ARHGEF28: variants seen among roughly 807,000 people sequenced by gnomAD.
ARHGEF28 encodes 190 kDa guanine nucleotide exchange factor.
A neutral mutation model predicts 206.6 loss-of-function variants in ARHGEF28; 152 were observed. That is an observed-to-expected ratio of 0.74 (90% CI 0.64 to 0.84). The LOEUF (loss-of-function observed/expected upper bound fraction) is 0.84, where lower values mean the gene tolerates loss of function less well. ARHGEF28 is among the 40% of genes least tolerant of loss of function. The pLI, the probability that ARHGEF28 is intolerant of heterozygous loss-of-function variation, is 0.00. For missense variants in ARHGEF28, 2,028 were observed against 2,073.2 expected, an observed-to-expected ratio of 0.98 and a Z score of 0.42; for synonymous variants, 763 against 776.4, an observed-to-expected ratio of 0.98 and a Z score of 0.29.
intron 9 of ARHGEF28, chr5:73,828,198 C>T (rs1023535108): frequency 2.0e-5 from 3 of 152,160 alleles, no homozygotes; most frequent in Non-Finnish European, 4.4e-5. Context: ...TTTCCTTTCA[C>T]GATCAGTCTT....
intron 4 of ARHGEF28, among the ~76,000 whole-genome samples, chr5:73,760,354 T>C (rs1475294814): frequency 6.6e-6 from 1 of 152,118 alleles, no homozygotes; most frequent in Non-Finnish European, 1.5e-5. Flanking sequence ...TAACAACTGA[T>C]TCAGGGGTTT....
chr5:73,626,577 G>A (rs1743024378), intron 1 of ARHGEF28, among the ~76,000 whole-genome samples: 1 of 152,136 alleles, frequency 6.6e-6, no homozygotes, highest in Non-Finnish European at 1.5e-5. Flanking sequence ...CGGAGCGCGG[G>A]GTCGCTCGGG....
At chr5:73,918,022 C>A (rs1211816204) in intron 35 of ARHGEF28, among the ~76,000 whole-genome samples, 2 of 152,186 alleles carry the variant, frequency 1.3e-5, no homozygotes, top group African/African-American at 4.8e-5. Flanking sequence ...GGAAGCATCA[C>A]TCTCTCCATG....
At chr5:73,758,998 T>G (rs985876165) in intron 4 of ARHGEF28, among the ~76,000 whole-genome samples, 12 of 152,340 alleles carry the variant, frequency 7.9e-5, no homozygotes, top group Non-Finnish European at 1.8e-4. Context: ...GTAACCCAAT[T>G]GAACTTTTGG....
At chr5:73,865,915 T>C in intron 17 of ARHGEF28, 50 bp from the exon 18 acceptor site, 1 of 1,299,708 alleles carries the variant, frequency 7.7e-7, no homozygotes. Context: ...ATTCTTATAG[T>C]CTAATGATAC....
chr5:73,713,166 G>T (rs1029427906), intron 2 of ARHGEF28, among the ~76,000 whole-genome samples: 1 of 152,146 alleles, frequency 6.6e-6, no homozygotes, highest in African/African-American at 2.4e-5. Flanking sequence ...CCCACAAAGG[G>T]TTTAAGTCAG....
At chr5:73,928,833 A>G (rs1763958517) in intron 35 of ARHGEF28, among the ~76,000 whole-genome samples, 2 of 152,228 alleles carry the variant, frequency 1.3e-5, no homozygotes, top group Non-Finnish European at 1.5e-5. Flanking sequence ...TAGAGCCTTA[A>G]GAGGAATTCA....
chr5:73,794,310 TG>T, intron 7 of ARHGEF28, 91 bp from the exon 8 acceptor site: 1 of 1,051,598 alleles, frequency 9.5e-7, no homozygotes. Context: ...AGAAGGCTCC[TG>T]GGCAACTCAT....
chr5:73,848,950 A>ATAT, intron 12 of ARHGEF28, 26 bp from the exon 13 acceptor site: 1 of 1,467,038 alleles, frequency 6.8e-7, no homozygotes, highest in Non-Finnish European at 9.3e-7. Context: ...ATAAATTTTT[A>ATAT]AACACTTTAT....
chr5:73,743,020 G>A (rs1465789732), intron 2 of ARHGEF28, among the ~76,000 whole-genome samples: 1 of 151,644 alleles, frequency 6.6e-6, no homozygotes, highest in Non-Finnish European at 1.5e-5. Context: ...TTATAATTTT[G>A]TAAAATTGTT....
intron 1 of ARHGEF28, among the ~76,000 whole-genome samples, chr5:73,631,042 T>G (rs1053288688): frequency 1.3e-5 from 2 of 152,154 alleles, no homozygotes; most frequent in African/African-American, 4.8e-5. Flanking sequence ...AAGTCCAGAT[T>G]CCTTGTGTGG....
chr5:73,916,303 A>G (rs1763208844), intron 35 of ARHGEF28, among the ~76,000 whole-genome samples: 1 of 152,188 alleles, frequency 6.6e-6, no homozygotes, highest in African/African-American at 2.4e-5. Context: ...TTTTCCTGGA[A>G]ATTGAAACTG....
intron 33 of ARHGEF28, among the ~76,000 whole-genome samples, chr5:73,908,177 G>C (rs140370142): frequency 6.6e-6 from 1 of 152,078 alleles, no homozygotes; most frequent in Admixed American, 6.5e-5. Context: ...TTAAAGATTA[G>C]TTTCCAAATT....
rs61731627 is a variant in ARHGEF28 at position 73,909,703 on chromosome 5, C to A, written c.4453C>A (p.Leu1485Met). The stretch of plus-strand genomic sequence containing the variant: ...GCGGGAGTGCCAGTCGCAGGAGGAG[C>A]TGCTGCTGCGGAGCCGGGGCGAGCT... Reference protein sequence around the residue: ...RERECQSQEELLLRSRGELDL... With the variant: ...RERECQSQEEMLLRSRGELDL... Residue 1485 changes from leucine to methionine, a missense_variant, in exon 34 of 36, where the codon CTG becomes ATG. By Grantham distance (15) the Leu-to-Met change is conservative. Coordinates refer to ENST00000513042, the MANE Select transcript of ARHGEF28 (RefSeq NM_001177693.2). The A allele has an allele frequency of 2.6e-6, 4 of 1,531,046 alleles. No individual in the cohort carries two copies. The African/African-American group carries it at 4.1e-5, about 16-fold the overall frequency. 94.8% of individuals were successfully genotyped at this position (1,531,046 alleles called of 1,614,324 possible). A position where few individuals can be genotyped will look rare whatever the true frequency, so the allele number is the denominator to read the frequency against.
At chr5:73,822,929 G>A (rs1319071449) in intron 9 of ARHGEF28, among the ~76,000 whole-genome samples, 2 of 152,182 alleles carry the variant, frequency 1.3e-5, no homozygotes, top group Non-Finnish European at 2.9e-5. Context: ...ACCCAGCTCA[G>A]AAATGTTCAC....
intron 35 of ARHGEF28, among the ~76,000 whole-genome samples, chr5:73,938,966 T>A (rs1639150725): frequency 6.6e-6 from 1 of 152,094 alleles, no homozygotes; most frequent in Admixed American, 6.5e-5. Context: ...TTTCTTCTTT[T>A]TTTTGGCAAG....
At chr5:73,749,645 A>G (rs1172152016) in intron 2 of ARHGEF28, among the ~76,000 whole-genome samples, 192 bp from the exon 3 acceptor site, 1 of 152,230 alleles carries the variant, frequency 6.6e-6, no homozygotes, top group African/African-American at 2.4e-5. Context: ...ACCCATACCT[A>G]AATACATCAG....
rs960394689 is a variant in ARHGEF28, at chr5:73,865,905, A to T, written c.2104-60A>T. On this transcript the variant is annotated intron_variant, in intron 17 of 35. Coordinates refer to ENST00000513042, the MANE Select transcript of ARHGEF28 (RefSeq NM_001177693.2). ...TTCTGTTCTGTGTAACTATGTGGAT[A>T]TTCTTATAGTCTAATGATACTTTGA... is the stretch of plus-strand genomic sequence containing the variant. 1.3e-5 allele frequency: 16 copies of T among 1,215,184 alleles called. No individual in the cohort carries two copies. In the African/African-American group the frequency reaches 2.3e-4, roughly 18 times the overall value. 75.3% of individuals were successfully genotyped at this position (1,215,184 alleles called of 1,614,324 possible).
Position 73,909,582 on chromosome 5 carries a change from G to C in ARHGEF28, c.4332G>C (p.Gln1444His). 6.4e-7 allele frequency: 1 copy of C among 1,562,888 alleles called. No homozygotes were observed. The highest frequency in any genetic ancestry group is 1.2e-5 in the South Asian group (1 of 85,330). The change falls in exon 34 of 36, where the codon CAG becomes CAC. Residue 1444 changes from glutamine (Q) to histidine (H), a missense_variant. Transcript: ENST00000513042. The stretch of plus-strand genomic sequence containing the variant: ...AGCTGGCCAATGTGCACCAGCTTCA[G>C]CACCAGCTCCAGCAGGAGCAGCGGC... ...HEELANVHQL[Q>H]HQLQQEQRRW...
Sources: allele counts gnomAD v4.1 joint callset (sites outside exome capture counted in the v4.1 genomes callset), GRCh38; gene constraint gnomAD v4.1.1; transcripts MANE v1.5; gene names NCBI Gene and HGNC (gene_info 2026-07-23, HGNC 2026-07-21).